The following ELOVL6 variants were observed in gnomAD, a reference collection of about 807,000 sequenced individuals.
ELOVL6 encodes ELOVL fatty acid elongase 6.
In ELOVL6, 8 loss-of-function variants were observed where a neutral mutation model predicts 31.7. The observed-to-expected ratio is 0.25, with a 90% CI of 0.15 to 0.45. The LOEUF (loss-of-function observed/expected upper bound fraction) is 0.45, where lower values mean the gene tolerates loss of function less well. ELOVL6 is among the 20% of genes least tolerant of loss of function. The pLI, the probability that ELOVL6 is intolerant of heterozygous loss-of-function variation, is 1.00. For missense variants in ELOVL6, 126 were observed against 326.4 expected, an observed-to-expected ratio of 0.39 and a Z score of 4.73; for synonymous variants, 101 against 117.7, an observed-to-expected ratio of 0.86 and a Z score of 0.92.
At chr4:110,196,533 G>C (rs993550005) in intron 1 of ELOVL6, among the ~76,000 whole-genome samples, 19 of 152,218 alleles carry the variant, frequency 1.2e-4, no homozygotes, top group Admixed American at 3.3e-4. Context: ...GAAACGCCGA[G>C]GTCTATCTGC....
At chr4:110,123,486 G>T (rs1757408862) in intron 1 of ELOVL6, among the ~76,000 whole-genome samples, 1 of 151,988 alleles carries the variant, frequency 6.6e-6, no homozygotes, top group African/African-American at 2.4e-5. Context: ...CCTGGAGAAA[G>T]ACAATAAATA....
At chr4:110,073,518 T>C (rs1271599249) in intron 2 of ELOVL6, among the ~76,000 whole-genome samples, 1 of 152,172 alleles carries the variant, frequency 6.6e-6, no homozygotes, top group Non-Finnish European at 1.5e-5. Flanking sequence ...GGTTTCATAA[T>C]AAAGGTTTCA....
intron 1 of ELOVL6, among the ~76,000 whole-genome samples, chr4:110,144,698 AC>A (rs1296907695): frequency 5.9e-5 from 9 of 152,160 alleles, no homozygotes; most frequent in African/African-American, 1.9e-4. Context: ...TGGGTGCTAT[AC>A]AGGAGTGACC....
intron 1 of ELOVL6, among the ~76,000 whole-genome samples, chr4:110,165,997 C>G (rs1418860569): frequency 6.6e-6 from 1 of 152,152 alleles, no homozygotes; most frequent in Non-Finnish European, 1.5e-5. Flanking sequence ...TTCAATACAT[C>G]TGCCTCCTCT....
At chr4:110,190,501 T>C (rs1351455795) in intron 1 of ELOVL6, among the ~76,000 whole-genome samples, 1 of 152,120 alleles carries the variant, frequency 6.6e-6, no homozygotes, top group Non-Finnish European at 1.5e-5. Context: ...TGGGCAATAC[T>C]TTTTTTGTTT....
intron 1 of ELOVL6, among the ~76,000 whole-genome samples, chr4:110,159,479 A>T (rs532705870): frequency 6.6e-5 from 10 of 151,410 alleles, no homozygotes; most frequent in South Asian, 4.2e-4. Flanking sequence ...TTTTTTTTTT[A>T]AAAGTCAAGT....
At chr4:110,168,575 T>G (rs1042931323) in intron 1 of ELOVL6, among the ~76,000 whole-genome samples, 6 of 151,898 alleles carry the variant, frequency 4.0e-5, no homozygotes, top group Non-Finnish European at 7.4e-5. Context: ...TTTCAAAAAC[T>G]GCTCTCACGT....
At chr4:110,130,816 G>C (rs1392770889) in intron 1 of ELOVL6, among the ~76,000 whole-genome samples, 3 of 152,150 alleles carry the variant, frequency 2.0e-5, no homozygotes, top group Non-Finnish European at 4.4e-5. Context: ...TTATGCACAT[G>C]ACCATCAGTC....
chr4:110,137,111 T>C (rs1210730867), intron 1 of ELOVL6, among the ~76,000 whole-genome samples: 1 of 152,212 alleles, frequency 6.6e-6, no homozygotes, highest in Admixed American at 6.5e-5. Context: ...ACTAGTTTCT[T>C]TGGTTTCCTT....
At chr4:110,195,320 A>G (rs1217576847) in intron 1 of ELOVL6, among the ~76,000 whole-genome samples, 1 of 152,102 alleles carries the variant, frequency 6.6e-6, no homozygotes, top group African/African-American at 2.4e-5. Context: ...GGGTTTCACC[A>G]TATTGGCCTG....
chr4:110,185,018 C>A (rs1021689619), intron 1 of ELOVL6, among the ~76,000 whole-genome samples: 13 of 152,064 alleles, frequency 8.5e-5, no homozygotes, highest in Non-Finnish European at 1.8e-4. Context: ...AAAAATAAAC[C>A]CTATGTAAGT....
intron 1 of ELOVL6, among the ~76,000 whole-genome samples, chr4:110,165,632 GCTGGGCGGTTCTAATCTCAT>G (rs1758754037): frequency 6.6e-6 from 1 of 152,216 alleles, no homozygotes; most frequent in East Asian, 1.9e-4. Flanking sequence ...GGTCTCAGGA[GCTGGGCGGTTCTAATCTCAT>G]CTGAATCACA....
At chr4:110,053,108 A>G (rs958744707) in intron 3 of ELOVL6, among the ~76,000 whole-genome samples, 7 of 152,182 alleles carry the variant, frequency 4.6e-5, no homozygotes, top group African/African-American at 1.7e-4. Context: ...TAATTTAAAA[A>G]AACTTTTTTA....
At chr4:110,141,855 G>GTATATATATATATATATATATATATA (rs57733252) in intron 1 of ELOVL6, among the ~76,000 whole-genome samples, 10 of 126,622 alleles carry the variant, frequency 7.9e-5, no homozygotes, top group Non-Finnish European at 1.3e-4. Flanking sequence ...AATACAATTA[G>GTATATATATATATATATATATATATA]TATATATATA....
chr4:110,138,209 C>G (rs1381351271), intron 1 of ELOVL6, among the ~76,000 whole-genome samples: 3 of 152,334 alleles, frequency 2.0e-5, no homozygotes, highest in South Asian at 4.1e-4. Context: ...ATAAACACCA[C>G]TGAAATAGCA....
chr4:110,137,226 C>T (rs1757836316), intron 1 of ELOVL6, among the ~76,000 whole-genome samples: 1 of 152,182 alleles, frequency 6.6e-6, no homozygotes, highest in Non-Finnish European at 1.5e-5. Flanking sequence ...TTCCGTGATT[C>T]TCTGACTCTG....
intron 3 of ELOVL6, among the ~76,000 whole-genome samples, chr4:110,056,139 T>G (rs1754981513): frequency 6.7e-6 from 1 of 149,218 alleles, no homozygotes; most frequent in Non-Finnish European, 1.5e-5. Context: ...GGGGATACAG[T>G]TTCAGTACTA....
chr4:110,192,915 G>C (rs1759664896), intron 1 of ELOVL6, among the ~76,000 whole-genome samples: 1 of 152,166 alleles, frequency 6.6e-6, no homozygotes, highest in Non-Finnish European at 1.5e-5. Flanking sequence ...CAAGTGACAT[G>C]AGTACAATAT....
At chr4:110,121,412 A>G (rs1190117778) in intron 1 of ELOVL6, among the ~76,000 whole-genome samples, 1 of 152,220 alleles carries the variant, frequency 6.6e-6, no homozygotes, top group Non-Finnish European at 1.5e-5. Context: ...GTTTGTTTTT[A>G]TCAATAACTA....
Sources: allele counts gnomAD v4.1 joint callset (sites outside exome capture counted in the v4.1 genomes callset), GRCh38; gene constraint gnomAD v4.1.1; transcripts MANE v1.5; gene names NCBI Gene and HGNC (gene_info 2026-07-23, HGNC 2026-07-21).